PGAP1: variants seen among roughly 807,000 people sequenced by gnomAD.
The protein encoded by PGAP1 is post-GPI attachment to proteins inositol deacylase 1, also known as GPI inositol-deacylase.
Under a neutral mutation model 127.0 loss-of-function variants are expected in PGAP1, and 76 were observed. The ratio of observed to expected loss-of-function variants is 0.60; its 90% CI spans 0.50 to 0.72. PGAP1 has a LOEUF of 0.72. Ranked by LOEUF, PGAP1 falls within the 30% of genes least tolerant of loss-of-function variation. The probability of loss-of-function intolerance (pLI) is 0.00; values close to 1 mark genes in which losing one functional copy is unlikely to be tolerated. For synonymous variants in PGAP1, 362 were observed against 366.5 expected, an observed-to-expected ratio of 0.99 and a Z score of 0.14; for missense variants, 982 against 1,071.3, an observed-to-expected ratio of 0.92 and a Z score of 1.16.
At chr2:196,844,680 T>C in intron 23 of PGAP1, 106 bp from the exon 24 acceptor site, 2 of 727,170 alleles carry the variant, frequency 2.8e-6, no homozygotes, top group Non-Finnish European at 4.4e-6. Flanking sequence ...ATGTTTAAAA[T>C]GTAAACCAAA....
In PGAP1 at chr2:196,836,440, T is replaced by C. The variant is rs1700237353; in HGVS notation, c.*4794A>G. 1 of 152,266 alleles carries C rather than the reference T, an allele frequency of 6.6e-6. No homozygotes were observed. The highest frequency in any genetic ancestry group is 6.5e-5 in the Admixed American group (1 of 15,278). The allele number at this position is 152,266 out of a possible 1,614,324, so 9.4% of individuals were successfully genotyped here. On this transcript the variant is annotated 3_prime_UTR_variant, in exon 27 of 27. Coordinates refer to ENST00000354764, the MANE Select transcript of PGAP1 (RefSeq NM_024989.4). The stretch of plus-strand genomic sequence containing the variant: ...TCAAAACTAAGTTATTAACAGATAA[T>C]AAATTCATATAAGTTCTTCTGTACT...
At chr2:196,841,431 A>T in intron 26 of PGAP1, 59 bp from the exon 27 acceptor site, 1 of 1,285,064 alleles carries the variant, frequency 7.8e-7, no homozygotes, top group Non-Finnish European at 1.1e-6. Flanking sequence ...AGCCAAAATT[A>T]TATCAATCTT....
chr2:196,844,321 T>A (rs1346546382), intron 24 of PGAP1, among the ~76,000 whole-genome samples: 2 of 152,070 alleles, frequency 1.3e-5, no homozygotes, highest in African/African-American at 4.8e-5. Context: ...TAATAGACAA[T>A]AAACTTGTAA....
Position 196,847,965 on chromosome 2 carries a change from A to C in PGAP1, c.1934T>G (p.Ile645Ser). The change falls in exon 21 of 27, where the codon ATC (isoleucine) becomes AGC (serine). Residue 645 changes from isoleucine to serine, a missense_variant. Physicochemically the swap from Ile to Ser is moderately radical, Grantham distance 142. Coordinates refer to ENST00000354764, the MANE Select transcript of PGAP1 (RefSeq NM_024989.4). The stretch of plus-strand genomic sequence containing the variant: ...AACTTACCCCAACAGAAACTTAATG[A>C]TAATTACAAAAGGATCAACTTTGTA... ...KPYKVDPFVIIIKFLLGYKWF... is the reference protein window; with the variant it reads ...KPYKVDPFVISIKFLLGYKWF... 1 of 1,591,698 alleles carries C rather than the reference A, an allele frequency of 6.3e-7. No homozygotes were observed. Among genetic ancestry groups the C allele is most frequent in the Non-Finnish European group, 8.5e-7 (1 of 1,171,168 alleles).
intron 20 of PGAP1, among the ~76,000 whole-genome samples, chr2:196,850,635 C>T (rs1211681829): frequency 2.0e-5 from 3 of 150,524 alleles, no homozygotes; most frequent in East Asian, 3.9e-4. Context: ...GAAGCATTGG[C>T]TCTTGGAAGG....
At chr2:196,893,323 T>A (rs1288563721) in intron 7 of PGAP1, 78 bp from the exon 8 acceptor site, 1 of 749,744 alleles carries the variant, frequency 1.3e-6, no homozygotes, top group Non-Finnish European at 2.3e-6. Flanking sequence ...TCAGTAATGA[T>A]GACAACAGCC....
intron 1 of PGAP1, among the ~76,000 whole-genome samples, chr2:196,920,965 A>G (rs1047597115): frequency 6.6e-6 from 1 of 152,124 alleles, no homozygotes; most frequent in Non-Finnish European, 1.5e-5. Context: ...CATCTGTGGT[A>G]GTAAAGTATA....
At chr2:196,891,883 T>G (rs750807473) in intron 9 of PGAP1, among the ~76,000 whole-genome samples, 3 of 151,810 alleles carry the variant, frequency 2.0e-5, no homozygotes, top group Admixed American at 6.6e-5. Flanking sequence ...AAAATCTGAA[T>G]ATGAAAAAGC....
chr2:196,885,567 C>T, intron 11 of PGAP1, 92 bp from the exon 12 acceptor site: 1 of 935,448 alleles, frequency 1.1e-6, no homozygotes, highest in South Asian at 1.6e-5. Flanking sequence ...GAAACCATCT[C>T]TACACCTAGT....
intron 20 of PGAP1, among the ~76,000 whole-genome samples, chr2:196,856,665 C>A (rs765112940): frequency 2.6e-5 from 4 of 152,178 alleles, no homozygotes; most frequent in Non-Finnish European, 4.4e-5. Context: ...GTCATTCAAA[C>A]TACAAACCAG....
chr2:196,872,894 A>G, intron 17 of PGAP1, 66 bp downstream of exon 17: 1 of 673,314 alleles, frequency 1.5e-6, no homozygotes, highest in Non-Finnish European at 2.7e-6. Context: ...TTAAATAAAT[A>G]AACTAAGCAG....
intron 13 of PGAP1, among the ~76,000 whole-genome samples, chr2:196,878,639 C>T (rs1701635835): frequency 6.6e-6 from 1 of 152,130 alleles, no homozygotes; most frequent in South Asian, 2.1e-4. Flanking sequence ...ACCATTACTA[C>T]TATAGTTAAA....
chr2:196,850,631 T>C (rs968953395), intron 20 of PGAP1, among the ~76,000 whole-genome samples: 10 of 150,654 alleles, frequency 6.6e-5, no homozygotes, highest in Non-Finnish European at 1.5e-4. Flanking sequence ...CAAGGAAGCA[T>C]TGGCTCTTGG....
At chr2:196,860,614 A>AT (rs1701035432) in intron 20 of PGAP1, among the ~76,000 whole-genome samples, 1 of 152,190 alleles carries the variant, frequency 6.6e-6, no homozygotes, top group Non-Finnish European at 1.5e-5. Flanking sequence ...ATATCTAGGA[A>AT]TAAATGTAAC....
rs1005838324 is a variant in PGAP1, at chr2:196,835,011, G to C, written c.*6223C>G. 1.8e-4 allele frequency: 27 copies of C among 152,080 alleles called. No individual in the cohort carries two copies. Among genetic ancestry groups the C allele is most frequent in the African/African-American group, 5.8e-4 (24 of 41,548 alleles). The allele number at this position is 152,080 out of a possible 1,614,324, so 9.4% of individuals were successfully genotyped here. ...CAAACTGCATCAACATTACTGGGCAGAGAAATACTTAGTAATATTAAATTA... is the reference window on the plus strand; with the variant it reads ...CAAACTGCATCAACATTACTGGGCACAGAAATACTTAGTAATATTAAATTA... On this transcript the variant is annotated 3_prime_UTR_variant, in exon 27 of 27. Coordinates refer to ENST00000354764, the MANE Select transcript of PGAP1 (RefSeq NM_024989.4).
At chr2:196,843,576 A>G (rs188894420) in intron 25 of PGAP1, among the ~76,000 whole-genome samples, 1 of 152,246 alleles carries the variant, frequency 6.6e-6, no homozygotes, top group East Asian at 1.9e-4. Flanking sequence ...ATTTTTTGAA[A>G]AGTTTATATT....
At position 196,841,053 on chromosome 2, in the gene PGAP1, C is replaced by T; in HGVS notation, c.*181G>A. On this transcript the variant is annotated 3_prime_UTR_variant, in exon 27 of 27. Transcript: ENST00000354764. ...ACTACATGGATTCCACACCACAAAA[C>T]AAAACCATGCTTCAACTACTTCCCT... 1 of 700,806 alleles carries T rather than the reference C, an allele frequency of 1.4e-6. No individual in the cohort carries two copies. 43.4% of individuals were successfully genotyped at this position (700,806 alleles called of 1,614,324 possible).
chr2:196,873,568 A>G lies in PGAP1; in HGVS notation c.1512T>C (p.Ala504=), dbSNP rs1701470783. Reference sequence around the variant, plus strand: ...ACTTGCTTACCACGTTGATTTTAAAAGCTTGGTATATCTAATAGAGTTTGA... The same window carrying G: ...ACTTGCTTACCACGTTGATTTTAAAGGCTTGGTATATCTAATAGAGTTTGA... ...ELLNFGQIYQ[A]FKINVVSKCS... is the part of the protein sequence containing the mutation. The change falls in exon 16 of 27, where the codon GCT becomes GCC. Residue 504 remains alanine (A), a synonymous_variant. Transcript: ENST00000354764. 1 of 1,611,170 alleles carries G rather than the reference A, an allele frequency of 6.2e-7. No individual in the cohort carries two copies. The highest frequency in any genetic ancestry group is 1.3e-5 in the African/African-American group (1 of 74,864).
At chr2:196,876,098 G>T (rs1701561733) in intron 13 of PGAP1, among the ~76,000 whole-genome samples, 2 of 152,180 alleles carry the variant, frequency 1.3e-5, no homozygotes, top group Middle Eastern at 3.4e-3. Context: ...TTTATAGTTA[G>T]CTTTAGGTGT....
Sources: gnomAD v4.1 joint callset for allele counts (sites outside exome capture counted in the v4.1 genomes callset) on GRCh38, gnomAD v4.1.1 for gene constraint, MANE v1.5 for transcripts, NCBI Gene and HGNC (gene_info 2026-07-23, HGNC 2026-07-21) for gene names.